The following ITPRID1 variants were observed in gnomAD, a reference collection of about 807,000 sequenced individuals.
ITPRID1 encodes protein ITPRID1.
Under a neutral mutation model 95.4 loss-of-function variants are expected in ITPRID1, and 96 were observed. That is an observed-to-expected ratio of 1.01 (90% CI 0.85 to 1.19). The LOEUF is 1.19. Ranked by LOEUF, ITPRID1 falls within the 50% of genes most tolerant of loss-of-function variation. The pLI, the probability that ITPRID1 is intolerant of heterozygous loss-of-function variation, is 0.00. For synonymous variants in ITPRID1, 510 were observed against 453.6 expected (o/e 1.12, Z -1.58); for missense variants, 1,339 against 1,252.9 (o/e 1.07, Z -1.04).
At chr7:31,590,968 A>T (rs895134185) in intron 10 of ITPRID1, among the ~76,000 whole-genome samples, 1 of 152,242 alleles carries the variant, frequency 6.6e-6, no homozygotes, top group African/African-American at 2.4e-5. Flanking sequence ...GCCAGGTTTC[A>T]AATTCAGCCT....
Position 31,514,101 on chromosome 7 carries a change from G to C in ITPRID1, c.-117G>C, listed in dbSNP as rs1466103237. The C allele has an allele frequency of 1.3e-5, 2 of 152,300 alleles. No individual in the cohort carries two copies. The highest frequency in any genetic ancestry group is 2.9e-5 in the Non-Finnish European group (2 of 68,082). The allele number at this position is 152,300 out of a possible 1,614,324, so 9.4% of individuals were successfully genotyped here. A position where few individuals can be genotyped will look rare whatever the true frequency, so the allele number is the denominator to read the frequency against. On this transcript the variant is annotated 5_prime_UTR_variant, in exon 1 of 15. Transcript: ENST00000615280. ...CTTCAGGAACTTTCAGATGGCTCAG[G>C]AGTGGAGCTTTTGTGGCAGGTGGGT...
chr7:31,638,439 G>A (rs545532583), intron 10 of ITPRID1, among the ~76,000 whole-genome samples: 28 of 152,152 alleles, frequency 1.8e-4, no homozygotes, highest in Non-Finnish European at 2.5e-4. Context: ...CAAACTATCC[G>A]GTTTTATAAT....
chr7:31,583,789 G>A (rs1385698515), intron 10 of ITPRID1, among the ~76,000 whole-genome samples: 2 of 152,100 alleles, frequency 1.3e-5, no homozygotes, highest in South Asian at 2.1e-4. Context: ...GAATTTCATG[G>A]GACTGAGCCT....
intron 10 of ITPRID1, among the ~76,000 whole-genome samples, chr7:31,617,161 C>G (rs1787324438): frequency 6.6e-6 from 1 of 152,146 alleles, no homozygotes; most frequent in Admixed American, 6.5e-5. Context: ...CATTTGCCAT[C>G]TTTCAGGAAG....
At chr7:31,571,382 G>T (rs1016026562) in intron 6 of ITPRID1, among the ~76,000 whole-genome samples, 3 of 152,122 alleles carry the variant, frequency 2.0e-5, no homozygotes, top group Admixed American at 1.3e-4. Flanking sequence ...AGGATACCTT[G>T]TTCTCCTTGG....
At chr7:31,533,329 C>G (rs1783661568) in intron 1 of ITPRID1, among the ~76,000 whole-genome samples, 1 of 152,108 alleles carries the variant, frequency 6.6e-6, no homozygotes, top group Non-Finnish European at 1.5e-5. Flanking sequence ...ACATTGTTAA[C>G]ACCCACAGAA....
At chr7:31,575,962 G>A (rs962505959) in intron 8 of ITPRID1, among the ~76,000 whole-genome samples, 2 of 151,922 alleles carry the variant, frequency 1.3e-5, no homozygotes, top group Non-Finnish European at 2.9e-5. Flanking sequence ...CTCAATTCAT[G>A]TTGTTCCTTG....
intron 10 of ITPRID1, among the ~76,000 whole-genome samples, chr7:31,620,360 C>A (rs947253410): frequency 7.2e-5 from 11 of 152,136 alleles, no homozygotes; most frequent in Non-Finnish European, 1.3e-4. Context: ...AGGCACCCCC[C>A]AGTAGGGGCA....
At chr7:31,535,163 T>G (rs1022830799) in intron 1 of ITPRID1, among the ~76,000 whole-genome samples, 1 of 152,114 alleles carries the variant, frequency 6.6e-6, no homozygotes, top group African/African-American at 2.4e-5. Flanking sequence ...GTGGTTACCT[T>G]GTCACCAGCA....
intron 5 of ITPRID1, among the ~76,000 whole-genome samples, chr7:31,556,078 C>T (rs1188710976): frequency 2.0e-5 from 3 of 152,082 alleles, no homozygotes; most frequent in African/African-American, 7.2e-5. Context: ...GGTGAGAGGC[C>T]TGGCACTGGT....
chr7:31,514,971 G>A (rs914031601), intron 1 of ITPRID1, among the ~76,000 whole-genome samples: 13 of 151,858 alleles, frequency 8.6e-5, no homozygotes, highest in African/African-American at 3.1e-4. Context: ...CACTTCTCCT[G>A]GTTCAGACCT....
At chr7:31,526,286 A>G (rs1462533996) in intron 1 of ITPRID1, among the ~76,000 whole-genome samples, 1 of 152,184 alleles carries the variant, frequency 6.6e-6, no homozygotes, top group Non-Finnish European at 1.5e-5. Context: ...TGACTTAACA[A>G]TTTTTCAACT....
intron 3 of ITPRID1, 130 bp downstream of exon 3, chr7:31,553,317 A>C: frequency 1.2e-6 from 1 of 817,516 alleles, no homozygotes; most frequent in South Asian, 1.9e-5. Flanking sequence ...TGTTCCTGGC[A>C]TGATGCCGGA....
chr7:31,640,980 A>G (rs1446647617), intron 10 of ITPRID1, among the ~76,000 whole-genome samples: 4 of 152,154 alleles, frequency 2.6e-5, no homozygotes, highest in Non-Finnish European at 5.9e-5. Flanking sequence ...TTGAGCCATT[A>G]CTTTCTCTTG....
chr7:31,524,916 C>T (rs752769000), intron 1 of ITPRID1, among the ~76,000 whole-genome samples: 1 of 140,092 alleles, frequency 7.1e-6, no homozygotes, highest in Non-Finnish European at 1.5e-5. Flanking sequence ...AATATGAAAT[C>T]TTTATTGAGA....
intron 10 of ITPRID1, among the ~76,000 whole-genome samples, chr7:31,629,070 T>C (rs896735746): frequency 1.3e-5 from 2 of 152,232 alleles, no homozygotes; most frequent in Admixed American, 6.5e-5. Flanking sequence ...CAGGTGGTCA[T>C]GGGACATTGT....
At chr7:31,625,335 C>G (rs556900513) in intron 10 of ITPRID1, among the ~76,000 whole-genome samples, 1 of 151,766 alleles carries the variant, frequency 6.6e-6, no homozygotes, top group Non-Finnish European at 1.5e-5. Flanking sequence ...ATGTTTATTG[C>G]GGCACTATTC....
chr7:31,654,181 G>A lies in ITPRID1; in HGVS notation c.*1352G>A, dbSNP rs1250836014. ...GTACTGCATTCATCAGGGTGCCTGT[G>A]GAAGGCCTTGCTAAAGGGAAGGCTA... On this transcript the variant is annotated 3_prime_UTR_variant, in exon 15 of 15. Coordinates refer to ENST00000615280, the MANE Select transcript of ITPRID1 (RefSeq NM_001257967.3). Among the ~76,000 whole-genome samples, 3 of 152,298 alleles carry A rather than the reference G, an allele frequency of 2.0e-5. No individual in the cohort carries two copies. Among genetic ancestry groups the A allele is most frequent in the African/African-American group, 7.2e-5 (3 of 41,548 alleles).
chr7:31,569,729 G>T (rs769006093), intron 5 of ITPRID1, 29 bp from the exon 6 acceptor site: 10 of 1,554,872 alleles, frequency 6.4e-6, no homozygotes, highest in South Asian at 3.6e-5. Context: ...ACGAAATAAA[G>T]TTCCCCTCTA....
Sources: gnomAD v4.1 joint callset for allele counts (sites outside exome capture counted in the v4.1 genomes callset) on GRCh38, gnomAD v4.1.1 for gene constraint, MANE v1.5 for transcripts, NCBI Gene and HGNC (gene_info 2026-07-23, HGNC 2026-07-21) for gene names.